ARHGAP8: variants seen among roughly 807,000 people sequenced by gnomAD.
ARHGAP8 encodes the protein Rho GTPase activating protein 8.
A neutral mutation model predicts 46.1 loss-of-function variants in ARHGAP8; 62 were observed. That is an observed-to-expected ratio of 1.34 (90% confidence interval 1.10 to 1.66). The LOEUF is 1.66. Among genes scored for constraint, ARHGAP8 ranks in the 40% most tolerant of loss-of-function variants. The pLI, the probability that ARHGAP8 is intolerant of heterozygous loss-of-function variation, is 0.00. For synonymous variants in ARHGAP8, 375 were observed against 243.1 expected (o/e 1.54, Z -5.05); for missense variants, 923 against 568.4 (o/e 1.62, Z -6.34).
intron 1 of ARHGAP8, among the ~76,000 whole-genome samples, chr22:44,774,841 G>A (rs1281107145): frequency 6.6e-6 from 1 of 151,488 alleles, no homozygotes; most frequent in African/African-American, 2.4e-5. Flanking sequence ...AGGGGTGGGG[G>A]CGGGGGGCGG....
chr22:44,767,217 T>G (rs988487810), intron 1 of ARHGAP8, among the ~76,000 whole-genome samples: 1 of 152,144 alleles, frequency 6.6e-6, no homozygotes, highest in African/African-American at 2.4e-5. Context: ...CTCTGCTCCC[T>G]CCCTCCTTCC....
intron 6 of ARHGAP8, 91 bp from the exon 7 acceptor site, chr22:44,825,392 C>A: frequency 7.1e-7 from 1 of 1,402,300 alleles, no homozygotes; most frequent in Non-Finnish European, 9.7e-7. Context: ...GCCCAGGTGT[C>A]CTGCAGGTGG....
intron 1 of ARHGAP8, among the ~76,000 whole-genome samples, chr22:44,766,559 CGTGTCTGGGTGCATGTATGTGCATGT>C (rs1194404932): frequency 7.2e-5 from 11 of 151,770 alleles, no homozygotes; most frequent in Admixed American, 7.2e-4. Context: ...TGTGGGCATG[CGTGTCTGGGTGCATGTATGTGCATGT>C]GTGTCTCTGT....
At chr22:44,791,845 GAGA>G (rs1288244873) in intron 2 of ARHGAP8, among the ~76,000 whole-genome samples, 1 of 152,180 alleles carries the variant, frequency 6.6e-6, no homozygotes, top group African/African-American at 2.4e-5. Context: ...GAGGTGCCTG[GAGA>G]AGAGCTTAGT....
At chr22:44,775,984 G>A (rs1429767213) in intron 1 of ARHGAP8, among the ~76,000 whole-genome samples, 1 of 152,080 alleles carries the variant, frequency 6.6e-6, no homozygotes, top group Non-Finnish European at 1.5e-5. Context: ...TCCTGATTCT[G>A]GTCACTCATG....
At chr22:44,811,131 T>C (rs1929305024) in intron 4 of ARHGAP8, among the ~76,000 whole-genome samples, 2 of 152,140 alleles carry the variant, frequency 1.3e-5, no homozygotes, top group African/African-American at 4.8e-5. Flanking sequence ...CCCTTCCCTT[T>C]CTCGAGGGGG....
intron 1 of ARHGAP8, among the ~76,000 whole-genome samples, chr22:44,760,050 G>T (rs763308160): frequency 2.0e-5 from 3 of 152,348 alleles, no homozygotes; most frequent in South Asian, 4.1e-4. Context: ...GGTTTCCTGC[G>T]GTTTGTGGGC....
intron 1 of ARHGAP8, among the ~76,000 whole-genome samples, chr22:44,755,945 G>A (rs567452278): frequency 3.9e-5 from 6 of 152,302 alleles, no homozygotes; most frequent in Admixed American, 3.9e-4. Context: ...CGACTCATAG[G>A]ACCATTAGGA....
intron 4 of ARHGAP8, among the ~76,000 whole-genome samples, chr22:44,811,271 C>G (rs1185661272): frequency 6.6e-6 from 1 of 152,226 alleles, no homozygotes; most frequent in Admixed American, 6.5e-5. Flanking sequence ...TCTGTGTTGC[C>G]AGCAGTGACC....
intron 11 of ARHGAP8, among the ~76,000 whole-genome samples, 189 bp from the exon 12 acceptor site, chr22:44,862,085 CT>C (rs1477156837): frequency 2.0e-5 from 3 of 152,180 alleles, no homozygotes; most frequent in Non-Finnish European, 4.4e-5. Context: ...CCAAGCCTTC[CT>C]TTTAGAGATA....
rs1319402741 is a variant in ARHGAP8 at position 44,802,092 on chromosome 22, G to C, written c.95G>C (p.Gly32Ala). 1 of 1,614,134 alleles carries C rather than the reference G, an allele frequency of 6.2e-7. No homozygotes were observed. The highest frequency in any genetic ancestry group is 1.1e-5 in the South Asian group (1 of 91,084). Residue 32 changes from glycine to alanine, a missense_variant, in exon 3 of 12, where the codon GGA becomes GCA. By Grantham distance (60) the Gly-to-Ala change is moderately conservative (BLOSUM62 0). Transcript: ENST00000356099. ...ILQVAGDDRFGRRVVTFSCCR... is the reference protein window; with the variant it reads ...ILQVAGDDRFARRVVTFSCCR... ...GCTCCTCCAGGGGATGACCGCTTTG[G>C]AAGACGTGTTGTCACGTTCAGCTGC... is the stretch of plus-strand genomic sequence containing the variant.
chr22:44,856,829 C>G lies in ARHGAP8; in HGVS notation c.878-2902C>G, dbSNP rs1300238654. On this transcript the variant is annotated intron_variant, in intron 10 of 11. Coordinates refer to ENST00000356099, the MANE Select transcript of ARHGAP8 (RefSeq NM_181335.3). ...AGTCAAAACCAAAGAACCCATTCTT[C>G]CGAATGTGGCTCTGCTGGTCCAAAT... 1.4e-5 allele frequency among the ~76,000 whole-genome samples: 2 copies of G among 144,534 alleles called. 1 individual carries two copies. The highest frequency in any genetic ancestry group is 3.0e-5 in the Non-Finnish European group (2 of 66,820). The allele number at this position is 144,534 out of a possible 152,430, so 94.8% of individuals were successfully genotyped here.
intron 7 of ARHGAP8, among the ~76,000 whole-genome samples, chr22:44,837,446 C>A (rs546828855): frequency 1.3e-5 from 2 of 152,286 alleles, no homozygotes; most frequent in East Asian, 3.9e-4. Context: ...GCCCAGCATG[C>A]ATCTTGGAAC....
intron 1 of ARHGAP8, among the ~76,000 whole-genome samples, chr22:44,768,578 A>G (rs1404476967): frequency 6.6e-6 from 1 of 151,590 alleles, no homozygotes; most frequent in Non-Finnish European, 1.5e-5. Context: ...AAGCACTGGG[A>G]TTTTGGGCAT....
At chr22:44,769,001 AT>A (rs1192599795) in intron 1 of ARHGAP8, among the ~76,000 whole-genome samples, 1 of 151,820 alleles carries the variant, frequency 6.6e-6, no homozygotes, top group African/African-American at 2.4e-5. Context: ...TGCCTGGCTA[AT>A]TTTTGTATTT....
At chr22:44,858,740 G>GGGGGGGGGGT (rs2070322082) in intron 10 of ARHGAP8, among the ~76,000 whole-genome samples, 1 of 130,740 alleles carries the variant, frequency 7.6e-6, no homozygotes, top group Non-Finnish European at 1.7e-5. Flanking sequence ...TAACTGGGGG[G>GGGGGGGGGGT]TCTCAGAGTG....
intron 7 of ARHGAP8, among the ~76,000 whole-genome samples, chr22:44,831,500 A>T (rs990310713): frequency 6.7e-6 from 1 of 149,864 alleles, no homozygotes; most frequent in African/African-American, 2.4e-5. Context: ...GTTCAAGACC[A>T]GCCTTACCAA....
chr22:44,838,139 A>ATTTTTTTTTT (rs1569172273), intron 7 of ARHGAP8, among the ~76,000 whole-genome samples: 6 of 139,154 alleles, frequency 4.3e-5, no homozygotes, highest in African/African-American at 1.3e-4. Context: ...ATGCCTGGCT[A>ATTTTTTTTTT]ATTTTTTTTT....
At chr22:44,843,879 G>A (rs1307934806) in intron 7 of ARHGAP8, among the ~76,000 whole-genome samples, 1 of 149,720 alleles carries the variant, frequency 6.7e-6, no homozygotes, top group African/African-American at 2.5e-5. Context: ...TAAGTAGAAT[G>A]GTATAATATC....
Sources: allele counts gnomAD v4.1 joint callset (sites outside exome capture counted in the v4.1 genomes callset), GRCh38; gene constraint gnomAD v4.1.1; transcripts MANE v1.5; gene names NCBI Gene and HGNC (gene_info 2026-07-23, HGNC 2026-07-21).